The following FLG variants were observed in gnomAD, a reference collection of about 807,000 sequenced individuals.
FLG encodes the protein filaggrin.
In FLG, 6 loss-of-function variants were observed where a neutral mutation model predicts 3.8. The ratio of observed to expected loss-of-function variants is 1.60; its 90% confidence interval spans 0.87 to 3.15. The LOEUF is 3.15. Among genes scored for constraint, FLG ranks in the 30% most tolerant of loss-of-function variants. The probability of loss-of-function intolerance (pLI) is 0.00; values close to 1 mark genes in which losing one functional copy is unlikely to be tolerated. For synonymous variants in FLG, 2,551 were observed against 1,931.6 expected (o/e 1.32, Z -8.41); for missense variants, 7,595 against 5,050.9 (o/e 1.50, Z -15.27).
At position 152,308,931 on chromosome 1, in the gene FLG, G is replaced by A. The variant is rs763654012; in HGVS notation, c.5955C>T (p.Ser1985=). 3.1e-6 allele frequency: 5 copies of A among 1,614,150 alleles called. No homozygotes were observed. The highest frequency in any genetic ancestry group is 4.2e-6 in the Non-Finnish European group (5 of 1,179,998). ...RQSGTRHTES[S]SRGQAASSHE... is the part of the protein sequence containing the mutation. ...GGGATGACGCAGCCTGTCCACGAGA[G>A]GAAGACTCTGTGTGACGAGTGCCTG... The change falls in exon 3 of 3, where the codon TCC becomes TCT. Residue 1985 remains serine, a synonymous_variant. Coordinates refer to ENST00000368799, the MANE Select transcript of FLG (RefSeq NM_002016.2).
chr1:152,317,158 A>G (rs994416654), intron 1 of FLG, among the ~76,000 whole-genome samples: 2 of 152,110 alleles, frequency 1.3e-5, no homozygotes, highest in Non-Finnish European at 2.9e-5. Flanking sequence ...TCTCATATGC[A>G]TCATTAATTC....
chr1:152,311,862 A>G lies in FLG; in HGVS notation c.3024T>C (p.Pro1008=), dbSNP rs2101649032. 1 of 1,614,002 alleles carries G rather than the reference A, an allele frequency of 6.2e-7. No individual in the cohort carries two copies. Among genetic ancestry groups the G allele is most frequent in the East Asian group, 2.2e-5 (1 of 44,848 alleles). ...GTCCACCAGAGGAAGTCTCTGCGTGAGGAGTTCCTGATTGTCTGGAGCTGT... is the reference window on the plus strand; with the variant it reads ...GTCCACCAGAGGAAGTCTCTGCGTGGGGAGTTCCTGATTGTCTGGAGCTGT... ...SADSSRQSGT[P]HAETSSGGQA... is the part of the protein sequence containing the mutation. Residue 1008 remains proline, a synonymous_variant, in exon 3 of 3, where the codon CCT becomes CCC. Transcript: ENST00000368799.
At position 152,305,392 on chromosome 1, in the gene FLG, G is replaced by T. The variant is rs1443211058; in HGVS notation, c.9494C>A (p.Thr3165Lys). The T allele has an allele frequency of 1.2e-6, 2 of 1,605,914 alleles. No homozygotes were observed. The highest frequency in any genetic ancestry group is 1.7e-6 in the Non-Finnish European group (2 of 1,178,778). The change falls in exon 3 of 3, where the codon ACA becomes AAA. Residue 3165 changes from threonine to lysine, a missense_variant. Transcript: ENST00000368799. ...GTCTCCTGATTGTTCCTCATTACGTGTTGTTCTGCTTGCACTTCTGGATCC... is the reference window on the plus strand; with the variant it reads ...GTCTCCTGATTGTTCCTCATTACGTTTTGTTCTGCTTGCACTTCTGGATCC... The part of the protein sequence containing the change: ...QSGSRSASRT[T>K]RNEEQSGDSS...
chr1:152,302,881 T>G lies in FLG; in HGVS notation c.12005A>C (p.Asn4002Thr). 1 of 1,614,166 alleles carries G rather than the reference T, an allele frequency of 6.2e-7. No individual in the cohort carries two copies. Among genetic ancestry groups the G allele is most frequent in the Non-Finnish European group, 8.5e-7 (1 of 1,180,000 alleles). The part of the protein sequence containing the change: ...RHSQHGSVSY[N>T]SNPVVFKERS... The stretch of plus-strand genomic sequence containing the variant: ...TTCCTTGAAAACAACAGGATTGGAA[T>G]TGTAACTAACACTTCCGTGCTGAGA... Residue 4002 changes from asparagine to threonine, a missense_variant, in exon 3 of 3, where the codon AAT becomes ACT. Coordinates refer to ENST00000368799, the MANE Select transcript of FLG (RefSeq NM_002016.2).
chr1:152,323,233 TC>T (rs1653036084), intron 1 of FLG, among the ~76,000 whole-genome samples: 1 of 151,660 alleles, frequency 6.6e-6, no homozygotes, highest in African/African-American at 2.4e-5. Flanking sequence ...CTTCAGGACC[TC>T]GGGGTGGGGA....
chr1:152,307,344 G>C lies in FLG; in HGVS notation c.7542C>G (p.Ser2514Arg), dbSNP rs1388096165. 2 of 1,612,914 alleles carry C rather than the reference G, an allele frequency of 1.2e-6. No individual in the cohort carries two copies. Among genetic ancestry groups the C allele is most frequent in the East Asian group, 2.2e-5 (1 of 44,704 alleles). The change falls in exon 3 of 3, where the codon AGC becomes AGG. Residue 2514 changes from serine (S) to arginine (R), a missense_variant. Physicochemically the swap from Ser to Arg is moderately radical, Grantham distance 110 (BLOSUM62 -1). Transcript: ENST00000368799. ...SHGHSGSRSA[S>R]RQTRNDEQSG... The stretch of plus-strand genomic sequence containing the variant: ...ATTGTTCATCGTTACGAGTTTGTCT[G>C]CTTGCACTTCTGGATCCTGAGTGCC...
rs770361839 is a variant in FLG, at chr1:152,304,680, C to T, written c.10206G>A (p.Arg3402=). The T allele has an allele frequency of 5.0e-6, 8 of 1,599,430 alleles. No homozygotes were observed. Among genetic ancestry groups the T allele is most frequent in the African/African-American group, 1.3e-5 (1 of 74,608 alleles). ...GTCTTCGTCCAGTGCTGGTCCTGGT[C>T]CGCCCATGGGCAGACTCAGACTGTT... is the stretch of plus-strand genomic sequence containing the variant. The part of the protein sequence containing the change: ...THEQSESAHG[R]TRTSTGRRQG... The change falls in exon 3 of 3, where the codon CGG becomes CGA. Residue 3402 remains arginine (R), a synonymous_variant. Coordinates refer to ENST00000368799, the MANE Select transcript of FLG (RefSeq NM_002016.2).
At position 152,313,030 on chromosome 1, in the gene FLG, G is replaced by A. The variant is rs201723280; in HGVS notation, c.1856C>T (p.Ser619Phe). Reference protein sequence around the residue: ...SGPRTSRNQGSSVSQDSDSQG... With the variant: ...SGPRTSRNQGFSVSQDSDSQG... ...ACTGTCACTGTCCTGGCTAACACTG[G>A]ATCCCTGGTTCCTACTTGTCCTGGG... is the stretch of plus-strand genomic sequence containing the variant. The change falls in exon 3 of 3, where the codon TCC becomes TTC. Residue 619 changes from serine (S) to phenylalanine (F), a missense_variant. Ser to Phe is a radical substitution (Grantham distance 155, BLOSUM62 -2). Coordinates refer to ENST00000368799, the MANE Select transcript of FLG (RefSeq NM_002016.2). 4.3e-6 allele frequency: 7 copies of A among 1,614,006 alleles called. No individual in the cohort carries two copies. The highest frequency in any genetic ancestry group is 5.9e-6 in the Non-Finnish European group (7 of 1,180,020).
At position 152,310,465 on chromosome 1, in the gene FLG, C is replaced by T. The variant is rs200551704; in HGVS notation, c.4421G>A (p.Arg1474Gln). Residue 1474 changes from arginine (R) to glutamine (Q), a missense_variant, in exon 3 of 3, where the codon CGA (arginine) becomes CAA (glutamine). Arg to Gln is a conservative substitution (Grantham distance 43). Transcript: ENST00000368799. ...GRQGSRHEQA[R>Q]NSSRHSASQD... ...GGATGCTGAGTGCCTAGAGCTGTTT[C>T]GTGCCTGCTCATGGCGGGATCCTTG... 252 of 1,613,496 alleles carry T rather than the reference C, an allele frequency of 1.6e-4. 1 individual carries two copies. The East Asian group carries it at 3.2e-3, about 21-fold the overall frequency.
rs1422355057 is a variant in FLG, at chr1:152,309,553, G to A, written c.5333C>T (p.Ala1778Val). The A allele has an allele frequency of 1.2e-6, 2 of 1,613,884 alleles. No homozygotes were observed. Among genetic ancestry groups the A allele is most frequent in the Non-Finnish European group, 1.7e-6 (2 of 1,179,972 alleles). ...QVSTHEQSES[A>V]HGRTGPSTGG... ...AGTGCTGGGCCCTGTGCGTCCATGG[G>A]CGGACTCAGACTGTTCATGAGTGCT... The change falls in exon 3 of 3, where the codon GCC (alanine) becomes GTC (valine). Residue 1778 changes from alanine to valine, a missense_variant. Coordinates refer to ENST00000368799, the MANE Select transcript of FLG (RefSeq NM_002016.2).
rs1266296540 is a variant in FLG, at chr1:152,303,707, C to G, written c.11179G>C (p.Ala3727Pro). The G allele has an allele frequency of 6.2e-7, 1 of 1,613,986 alleles. No individual in the cohort carries two copies. Among genetic ancestry groups the G allele is most frequent in the Non-Finnish European group, 8.5e-7 (1 of 1,179,984 alleles). ...HEQSESAHGR[A>P]GPSTGGRQGS... ...TGTCTTCCTCCAGTACTGGGCCCAG[C>G]CCGTCCATGGGCAGACTCAGACTGT... The change falls in exon 3 of 3, where the codon GCT (alanine) becomes CCT (proline). Residue 3727 changes from alanine (A) to proline (P), a missense_variant. Transcript: ENST00000368799.
chr1:152,309,117 G>T lies in FLG; in HGVS notation c.5769C>A (p.Asp1923Glu). 6.2e-7 allele frequency: 1 copy of T among 1,613,856 alleles called. No individual in the cohort carries two copies. Among genetic ancestry groups the T allele is most frequent in the East Asian group, 2.2e-5 (1 of 44,860 alleles). The change falls in exon 3 of 3, where the codon GAC (aspartate) becomes GAA (glutamate). Residue 1923 changes from aspartate (D) to glutamate (E), a missense_variant. Transcript: ENST00000368799. Reference protein sequence around the residue: ...NQGSSVSQDSDSQGHSEDSER... With the variant: ...NQGSSVSQDSESQGHSEDSER... Reference sequence around the variant, plus strand: ...CAGAGTCTTCTGAGTGTCCCTGACTGTCACTGTCCTGGCTAACACTGGATC... The same window carrying T: ...CAGAGTCTTCTGAGTGTCCCTGACTTTCACTGTCCTGGCTAACACTGGATC...
At position 152,307,546 on chromosome 1, in the gene FLG, C is replaced by G; in HGVS notation, c.7340G>C (p.Arg2447Pro). Reference sequence around the variant, plus strand: ...GGACGTTGAGTGCCTGGAGCTGTCTCGTGCCTGCTTGTGGTGGGATCCTTG... The same window carrying G: ...GGACGTTGAGTGCCTGGAGCTGTCTGGTGCCTGCTTGTGGTGGGATCCTTG... ...GRQGSHHKQA[R>P]DSSRHSTSQE... Residue 2447 changes from arginine to proline, a missense_variant, in exon 3 of 3, where the codon CGA becomes CCA. By Grantham distance (103) the Arg-to-Pro change is moderately radical. Transcript: ENST00000368799. 2 of 1,613,502 alleles carry G rather than the reference C, an allele frequency of 1.2e-6. No individual in the cohort carries two copies. The highest frequency in any genetic ancestry group is 1.7e-6 in the Non-Finnish European group (2 of 1,179,858).
In FLG at chr1:152,308,773, C is replaced by A. The variant is rs1307117933; in HGVS notation, c.6113G>T (p.Gly2038Val). 23 of 1,614,060 alleles carry A rather than the reference C, an allele frequency of 1.4e-5. No homozygotes were observed. The highest frequency in any genetic ancestry group is 1.9e-5 in the Non-Finnish European group (22 of 1,180,032). Residue 2038 changes from glycine to valine, a missense_variant, in exon 3 of 3, where the codon GGG becomes GTG. Physicochemically the swap from Gly to Val is moderately radical, Grantham distance 109. Coordinates refer to ENST00000368799, the MANE Select transcript of FLG (RefSeq NM_002016.2). ...SSAVRDSGHR[G>V]YSGSQASDSE... The stretch of plus-strand genomic sequence containing the variant: ...GTCACTGGCCTGACTACCACTGTAC[C>A]CTCGGTGTCCACTGTCTCTGACTGC...
rs150756363 is a variant in FLG, at chr1:152,310,066, G to T, written c.4820C>A (p.Ser1607Tyr). ...DRDSEGHSED[S>Y]ERRSESASRN... ...GGAAGCCGACTCAGACCGCCTCTCA[G>T]AGTCTTCTGAGTGTCCCTCACTGTC... Residue 1607 changes from serine to tyrosine, a missense_variant, in exon 3 of 3, where the codon TCT becomes TAT. Physicochemically the swap from Ser to Tyr is moderately radical, Grantham distance 144 (BLOSUM62 -2). Coordinates refer to ENST00000368799, the MANE Select transcript of FLG (RefSeq NM_002016.2). 2 of 1,613,840 alleles carry T rather than the reference G, an allele frequency of 1.2e-6. No homozygotes were observed. The highest frequency in any genetic ancestry group is 8.5e-7 in the Non-Finnish European group (1 of 1,180,006).
In FLG at chr1:152,314,130, T is replaced by C; in HGVS notation, c.756A>G (p.Glu252=). 1 of 1,614,220 alleles carries C rather than the reference T, an allele frequency of 6.2e-7. No homozygotes were observed. The highest frequency in any genetic ancestry group is 8.5e-7 in the Non-Finnish European group (1 of 1,180,018). ...EAYDTTDSLL[E]ENKIYERSRS... ...TTGATCTTTCATATATTTTGTTTTC[T>C]TCTAATAGACTATCAGTGGTGTCAT... Residue 252 remains glutamate (E), a synonymous_variant, in exon 3 of 3, where the codon GAA becomes GAG. Transcript: ENST00000368799.
At position 152,314,289 on chromosome 1, in the gene FLG, C is replaced by G. The variant is rs1198759009; in HGVS notation, c.597G>C (p.Arg199Ser). Reference protein sequence around the residue: ...ENTRLGDNRKRLSERLEEKED... With the variant: ...ENTRLGDNRKSLSERLEEKED... The stretch of plus-strand genomic sequence containing the variant: ...CTTTCTCTTCAAGTCTTTCACTTAG[C>G]CTCTTCCTATTGTCTCCTAATCTAG... Residue 199 changes from arginine to serine, a missense_variant, in exon 3 of 3, where the codon AGG becomes AGC. Physicochemically the swap from Arg to Ser is moderately radical, Grantham distance 110. Transcript: ENST00000368799. 1.9e-6 allele frequency: 3 copies of G among 1,613,182 alleles called. No homozygotes were observed. Among genetic ancestry groups the G allele is most frequent in the East Asian group, 4.5e-5 (2 of 44,852 alleles).
chr1:152,310,950 A>G lies in FLG; in HGVS notation c.3936T>C (p.His1312=), dbSNP rs115324644. ...SRDGSRHPGF[H]QEDRASHGHS... is the part of the protein sequence containing the mutation. ...GCCCGTGACTGGCTCTGTCTTCTTG[A>G]TGGAACCCAGGGTGTCTGGAGCCAT... is the stretch of plus-strand genomic sequence containing the variant. Residue 1312 remains histidine, a synonymous_variant, in exon 3 of 3, where the codon CAT becomes CAC. Transcript: ENST00000368799. 1 of 1,613,736 alleles carries G rather than the reference A, an allele frequency of 6.2e-7. No homozygotes were observed. The highest frequency in any genetic ancestry group is 1.7e-5 in the Admixed American group (1 of 60,000).
chr1:152,304,981 T>A lies in FLG; in HGVS notation c.9905A>T (p.His3302Leu), dbSNP rs980412764. 1 of 1,613,748 alleles carries A rather than the reference T, an allele frequency of 6.2e-7. No homozygotes were observed. The highest frequency in any genetic ancestry group is 8.5e-7 in the Non-Finnish European group (1 of 1,179,960). ...EQARSSPGER[H>L]GSRHQQSADS... ...TGCTGACTGCTGGTGGCGGGATCCG[T>A]GTCTCTCTCCTGGACTTGATCTTGC... The change falls in exon 3 of 3, where the codon CAC becomes CTC. Residue 3302 changes from histidine to leucine, a missense_variant. Physicochemically the swap from His to Leu is moderately conservative, Grantham distance 99. Transcript: ENST00000368799.
Sources: allele counts gnomAD v4.1 joint callset (sites outside exome capture counted in the v4.1 genomes callset), GRCh38; gene constraint gnomAD v4.1.1; transcripts MANE v1.5; gene names NCBI Gene and HGNC (gene_info 2026-07-23, HGNC 2026-07-21).